KLHL1: variants seen among roughly 807,000 people sequenced by gnomAD.
KLHL1 encodes the protein kelch like family member 1, also known as kelch-like protein 1.
Under a neutral mutation model 77.7 loss-of-function variants are expected in KLHL1, and 47 were observed. The observed-to-expected ratio is 0.60, with a 90% CI of 0.48 to 0.77. The LOEUF (loss-of-function observed/expected upper bound fraction) is 0.77, where lower values mean the gene tolerates loss of function less well. Ranked by LOEUF, KLHL1 falls within the 30% of genes least tolerant of loss-of-function variation. The pLI is 0.00. For missense variants in KLHL1, 925 were observed against 910.8 expected (o/e 1.02, Z -0.20); for synonymous variants, 360 against 325.2 (o/e 1.11, Z -1.15).
At chr13:70,042,306 GGTGT>G (rs1161401066) in intron 1 of KLHL1, among the ~76,000 whole-genome samples, 3 of 151,728 alleles carry the variant, frequency 2.0e-5, no homozygotes, top group East Asian at 3.9e-4. Context: ...TGCTTGTGTG[GGTGT>G]GTGTGTGTAT....
intron 1 of KLHL1, among the ~76,000 whole-genome samples, chr13:69,977,967 C>T (rs1317385105): frequency 6.6e-6 from 1 of 152,130 alleles, no homozygotes; most frequent in Non-Finnish European, 1.5e-5. Context: ...TATTTATCTA[C>T]ACAATATGTT....
intron 5 of KLHL1, among the ~76,000 whole-genome samples, chr13:69,852,172 A>G (rs993170360): frequency 1.3e-5 from 2 of 151,920 alleles, no homozygotes; most frequent in African/African-American, 4.8e-5. Context: ...AAAAGGTACT[A>G]ATTTAATGGT....
rs1233807915 is a variant in KLHL1 at position 69,748,556 on chromosome 13, T to C, written c.1640-8000A>G. Among the ~76,000 whole-genome samples, 4 of 151,974 alleles carry C rather than the reference T, an allele frequency of 2.6e-5. No individual in the cohort carries two copies. The East Asian group carries it at 7.7e-4, about 29-fold the overall frequency. On this transcript the variant is annotated intron_variant, in intron 7 of 10. Transcript: ENST00000377844. ...ATAACATGTGAGAATTATGGGAGTA[T>C]AATTCAAGATGAGATTTGGGTGGGG...
intron 4 of KLHL1, among the ~76,000 whole-genome samples, chr13:69,926,929 A>ATG (rs1882834200): frequency 8.2e-6 from 1 of 121,766 alleles, no homozygotes. Flanking sequence ...CCTGGGTGAC[A>ATG]GAGTGAGACT....
At chr13:70,069,060 A>C (rs2137415286) in intron 1 of KLHL1, among the ~76,000 whole-genome samples, 1 of 152,256 alleles carries the variant, frequency 6.6e-6, no homozygotes, top group Non-Finnish European at 1.5e-5. Flanking sequence ...GCCAGAACTA[A>C]CCTATTGAGA....
intron 4 of KLHL1, among the ~76,000 whole-genome samples, chr13:69,910,798 T>C (rs539880106): frequency 1.3e-5 from 2 of 152,230 alleles, no homozygotes; most frequent in South Asian, 4.1e-4. Context: ...ATGGTTCATT[T>C]AACTAATTAA....
chr13:69,825,960 A>T (rs1371147776), intron 6 of KLHL1, among the ~76,000 whole-genome samples: 1 of 150,392 alleles, frequency 6.6e-6, no homozygotes, highest in Non-Finnish European at 1.5e-5. Flanking sequence ...TTTATACAAC[A>T]TATTATGGCC....
intron 1 of KLHL1, among the ~76,000 whole-genome samples, chr13:69,986,788 A>G (rs1251668490): frequency 1.3e-5 from 2 of 151,978 alleles, no homozygotes; most frequent in African/African-American, 2.4e-5. Context: ...ATCAAAGGAA[A>G]AGAAATTGAA....
At chr13:69,738,791 G>A (rs1018303819) in intron 8 of KLHL1, among the ~76,000 whole-genome samples, 3 of 152,142 alleles carry the variant, frequency 2.0e-5, no homozygotes, top group Non-Finnish European at 4.4e-5. Context: ...GTACCTGAAA[G>A]AGATGGGGAG....
intron 6 of KLHL1, among the ~76,000 whole-genome samples, chr13:69,828,454 A>C (rs1355153535): frequency 1.3e-5 from 2 of 150,146 alleles, no homozygotes; most frequent in Non-Finnish European, 3.0e-5. Context: ...AAGCCAGTGG[A>C]ATTGGGAAAG....
chr13:69,806,688 G>A (rs1285476904), intron 6 of KLHL1, among the ~76,000 whole-genome samples: 1 of 152,176 alleles, frequency 6.6e-6, no homozygotes, highest in Non-Finnish European at 1.5e-5. Flanking sequence ...AGGGCCTCAT[G>A]TCTGATACAT....
At chr13:69,798,462 G>T (rs895922000) in intron 6 of KLHL1, among the ~76,000 whole-genome samples, 2 of 152,028 alleles carry the variant, frequency 1.3e-5, no homozygotes, top group Non-Finnish European at 2.9e-5. Flanking sequence ...TTCTGATATT[G>T]CTAAAATTAT....
At position 69,742,896 on chromosome 13, in the gene KLHL1, A is replaced by C. The variant is rs572102737; in HGVS notation, c.1640-2340T>G. On this transcript the variant is annotated intron_variant, in intron 7 of 10. Transcript: ENST00000377844. ...ATAAGTAAATGTGAAGGTTGAGGTT[A>C]TTTCAAAAGGATATGATATATCTCA... Among the ~76,000 whole-genome samples the C allele has an allele frequency of 3.3e-5, 5 of 152,318 alleles. No homozygotes were observed. In the South Asian group the frequency reaches 1.0e-3, roughly 32 times the overall value.
At chr13:70,049,210 T>C (rs1886573976) in intron 1 of KLHL1, among the ~76,000 whole-genome samples, 2 of 152,314 alleles carry the variant, frequency 1.3e-5, no homozygotes, top group Non-Finnish European at 2.9e-5. Flanking sequence ...CAAGAAAGTT[T>C]AGATGAGTAA....
At chr13:69,770,777 C>T (rs1276470768) in intron 7 of KLHL1, among the ~76,000 whole-genome samples, 1 of 152,132 alleles carries the variant, frequency 6.6e-6, no homozygotes, top group Non-Finnish European at 1.5e-5. Flanking sequence ...GACATGGAGT[C>T]TCACTCTGTT....
intron 1 of KLHL1, among the ~76,000 whole-genome samples, chr13:70,038,896 G>T (rs1566522831): frequency 6.6e-6 from 1 of 151,958 alleles, no homozygotes; most frequent in East Asian, 2.0e-4. Context: ...CGGCCCTAAA[G>T]TTGGTTGTTC....
At chr13:69,772,965 G>T (rs925346671) in intron 7 of KLHL1, among the ~76,000 whole-genome samples, 6 of 151,812 alleles carry the variant, frequency 4.0e-5, no homozygotes, top group African/African-American at 1.5e-4. Context: ...GAATATTCTT[G>T]GATTCTTGAA....
At chr13:69,906,010 G>A (rs538691443) in intron 4 of KLHL1, among the ~76,000 whole-genome samples, 1 of 152,126 alleles carries the variant, frequency 6.6e-6, no homozygotes, top group South Asian at 2.1e-4. Flanking sequence ...TTAATCCAGT[G>A]TTTCGAAATC....
At chr13:69,929,822 G>A (rs1882941663) in intron 4 of KLHL1, among the ~76,000 whole-genome samples, 1 of 151,620 alleles carries the variant, frequency 6.6e-6, no homozygotes, top group Non-Finnish European at 1.5e-5. Context: ...ACATTACATT[G>A]CCTTTTCTAA....
Sources: gnomAD v4.1 joint callset for allele counts (sites outside exome capture counted in the v4.1 genomes callset) on GRCh38, gnomAD v4.1.1 for gene constraint, MANE v1.5 for transcripts, NCBI Gene and HGNC (gene_info 2026-07-23, HGNC 2026-07-21) for gene names.